The following DTNA variants were observed in gnomAD, a reference collection of about 807,000 sequenced individuals.
DTNA encodes dystrophin-related protein 3.
DTNA carries 43 observed loss-of-function variants against 100.7 expected under a neutral mutation model. The observed-to-expected ratio is 0.43, with a 90% CI of 0.33 to 0.55. The LOEUF (loss-of-function observed/expected upper bound fraction) is 0.55. Ranked by LOEUF, DTNA falls within the 20% of genes least tolerant of loss-of-function variation. The pLI is 0.04. For synonymous variants in DTNA, 349 were observed against 347.9 expected (o/e 1.00, Z -0.04); for missense variants, 798 against 953.9 (o/e 0.84, Z 2.15).
chr18:34,554,713 C>T (rs914282296), intron 1 of DTNA, among the ~76,000 whole-genome samples: 2 of 141,654 alleles, frequency 1.4e-5, no homozygotes, highest in African/African-American at 5.5e-5. Context: ...CCTTGCATCC[C>T]AGGGATGAAG....
intron 16 of DTNA, 104 bp downstream of exon 16, chr18:34,858,502 G>T: frequency 5.2e-6 from 6 of 1,143,670 alleles, no homozygotes; most frequent in African/African-American, 1.5e-5. Flanking sequence ...TACCTTAGCT[G>T]CTGACATTTG....
intron 1 of DTNA, among the ~76,000 whole-genome samples, chr18:34,648,632 CAGTT>C (rs1298232969): frequency 6.6e-6 from 1 of 152,200 alleles, no homozygotes; most frequent in Non-Finnish European, 1.5e-5. Context: ...CCTTTCAAGA[CAGTT>C]AGTGTTGCTT....
chr18:34,882,347 C>T, intron 21 of DTNA, 146 bp downstream of exon 21: 1 of 1,121,966 alleles, frequency 8.9e-7, no homozygotes, highest in Non-Finnish European at 1.3e-6. Flanking sequence ...TAATCCGTGT[C>T]TTTTAGACAG....
rs1052664547 is a variant in DTNA at position 34,829,429 on chromosome 18, C to A, written c.1115C>A (p.Pro372His). 1 of 1,534,792 alleles carries A rather than the reference C, an allele frequency of 6.5e-7. No homozygotes were observed. The highest frequency in any genetic ancestry group is 1.4e-5 in the African/African-American group (1 of 73,014). Residue 372 changes from proline to histidine, a missense_variant, in exon 11 of 23, where the codon CCT (proline) becomes CAT (histidine). Physicochemically the swap from Pro to His is moderately conservative, Grantham distance 77 (BLOSUM62 -2). Transcript: ENST00000444659. ...CCTGAGGGAATAAGTGCATCCAGCC[C>A]TGTGGCTGAAGAGCATTCCCTCATA... ...RLPEGISASSPVAEEHSLIKL... is the reference protein window; with the variant it reads ...RLPEGISASSHVAEEHSLIKL...
intron 1 of DTNA, among the ~76,000 whole-genome samples, chr18:34,560,487 C>T (rs185268254): frequency 8.8e-4 from 134 of 152,174 alleles, no homozygotes; most frequent in Non-Finnish European, 1.0e-3. Flanking sequence ...TGAAATAAGC[C>T]TACACATAGT....
intron 13 of DTNA, among the ~76,000 whole-genome samples, chr18:34,844,047 T>C (rs2096326713): frequency 6.6e-6 from 1 of 152,168 alleles, no homozygotes; most frequent in Admixed American, 6.6e-5. Context: ...ACTGGACTTC[T>C]GAGAAAGATA....
Position 34,498,652 on chromosome 18 carries a change from A to G in DTNA, c.-2+5138A>G, listed in dbSNP as rs78109930. On this transcript the variant is annotated intron_variant, in intron 1 of 19. Transcript: ENST00000283365. ...CCTATTTGACAGCAAGTGAAAGTCTAGAACAGTGCCAATACCTGCCCACAG... is the reference window on the plus strand; with the variant it reads ...CCTATTTGACAGCAAGTGAAAGTCTGGAACAGTGCCAATACCTGCCCACAG... Among the ~76,000 whole-genome samples, 43 of 152,182 alleles carry G rather than the reference A, an allele frequency of 2.8e-4. No homozygotes were observed. In the East Asian group the frequency reaches 7.9e-3, roughly 28 times the overall value.
intron 2 of DTNA, among the ~76,000 whole-genome samples, chr18:34,756,907 G>A (rs895797229): frequency 1.6e-4 from 25 of 152,278 alleles, no homozygotes; most frequent in African/African-American, 5.5e-4. Flanking sequence ...ATGAGCAAGA[G>A]TGAGTGGTAA....
At position 34,794,197 on chromosome 18, in the gene DTNA, T is replaced by C. The variant is rs991770451; in HGVS notation, c.309T>C (p.His103=). The C allele has an allele frequency of 5.0e-6, 8 of 1,614,172 alleles. No homozygotes were observed. Among genetic ancestry groups the C allele is most frequent in the African/African-American group, 2.7e-5 (2 of 75,044 alleles). The change falls in exon 4 of 23, where the codon CAT becomes CAC. Residue 103 remains histidine (H), a synonymous_variant. Coordinates refer to ENST00000444659, the MANE Select transcript of DTNA (RefSeq NM_001386795.1). ...NKRMPTTHQI[H]VEQSISLLLN... The stretch of plus-strand genomic sequence containing the variant: ...GGATGCCAACCACTCACCAAATCCA[T>C]GTGGAGCAGTCCATCAGCCTCCTCC...
chr18:34,584,683 A>G (rs1022285837), intron 1 of DTNA, among the ~76,000 whole-genome samples: 70 of 152,200 alleles, frequency 4.6e-4, no homozygotes, highest in Non-Finnish European at 7.2e-4. Context: ...AACTGAATAA[A>G]TGAGTAAAAG....
At chr18:34,672,920 T>C (rs1206620104) in intron 1 of DTNA, among the ~76,000 whole-genome samples, 1 of 152,104 alleles carries the variant, frequency 6.6e-6, no homozygotes, top group East Asian at 1.9e-4. Flanking sequence ...TTCTTCACAA[T>C]TTATTATATT....
intron 1 of DTNA, among the ~76,000 whole-genome samples, chr18:34,664,194 T>C (rs772868682): frequency 5.3e-5 from 8 of 152,116 alleles, no homozygotes; most frequent in Non-Finnish European, 8.8e-5. Flanking sequence ...TCCAATAGAT[T>C]AAATGCAGAA....
chr18:34,842,224 G>A (rs997341474), intron 13 of DTNA, among the ~76,000 whole-genome samples: 9 of 152,098 alleles, frequency 5.9e-5, no homozygotes, highest in Non-Finnish European at 1.2e-4. Flanking sequence ...GACTCCTGAT[G>A]TCATATGACT....
chr18:34,739,283 G>C lies in DTNA; in HGVS notation c.-1-16693G>C, dbSNP rs142931296. Among the ~76,000 whole-genome samples the C allele has an allele frequency of 1.2e-3, 180 of 152,232 alleles. 1 individual carries two copies. In the East Asian group the frequency reaches 0.031, roughly 26 times the overall value. ...TTTTTGTTTGGAGGTGCAAGGTCTAGTTCTTTTTCTTTTCTTAACTCTCAC... is the reference window on the plus strand; with the variant it reads ...TTTTTGTTTGGAGGTGCAAGGTCTACTTCTTTTTCTTTTCTTAACTCTCAC... On this transcript the variant is annotated intron_variant, in intron 1 of 22. Coordinates refer to ENST00000444659, the MANE Select transcript of DTNA (RefSeq NM_001386795.1).
At chr18:34,699,626 G>A (rs774456690) in intron 1 of DTNA, among the ~76,000 whole-genome samples, 1 of 152,182 alleles carries the variant, frequency 6.6e-6, no homozygotes, top group Non-Finnish European at 1.5e-5. Context: ...TTGCTGACAA[G>A]CCTGGCAAGG....
At chr18:34,755,934 T>C (rs374443768) in intron 1 of DTNA, 42 bp from the exon 2 acceptor site, 13 of 1,559,872 alleles carry the variant, frequency 8.3e-6, no homozygotes, top group Non-Finnish European at 1.1e-5. Context: ...CTTGCCTCAA[T>C]AGCGTGAGGA....
intron 3 of DTNA, among the ~76,000 whole-genome samples, chr18:34,772,484 A>G (rs369321944): frequency 6.6e-6 from 1 of 152,214 alleles, no homozygotes; most frequent in Non-Finnish European, 1.5e-5. Flanking sequence ...TCCTGAATCA[A>G]TATTCTATGA....
At chr18:34,794,382 C>T in intron 4 of DTNA, 132 bp downstream of exon 4, 2 of 977,676 alleles carry the variant, frequency 2.0e-6, no homozygotes, top group South Asian at 3.1e-5. Flanking sequence ...ACAGTGGATG[C>T]TTATGTCAGT....
chr18:34,828,354 A>G (rs769664542), intron 10 of DTNA, among the ~76,000 whole-genome samples: 12 of 152,218 alleles, frequency 7.9e-5, no homozygotes, highest in Non-Finnish European at 1.5e-4. Context: ...CAAGCACCAG[A>G]TAATTATTTT....
Sources: gnomAD v4.1 joint callset for allele counts (sites outside exome capture counted in the v4.1 genomes callset) on GRCh38, gnomAD v4.1.1 for gene constraint, MANE v1.5 for transcripts, NCBI Gene and HGNC (gene_info 2026-07-23, HGNC 2026-07-21) for gene names.